Variants in PTTG1IP2 observed in about 807,000 individuals in gnomAD.
PTTG1IP2 encodes PTTG1IP family member 2.
intron 6 of PTTG1IP2, among the ~76,000 whole-genome samples, chr7:90,498,163 C>T (rs1162555324): frequency 6.6e-6 from 1 of 152,050 alleles, no homozygotes; most frequent in Non-Finnish European, 1.5e-5. Flanking sequence ...GTAGCTGGGA[C>T]TACAGGCGCC....
At chr7:90,502,888 G>T (rs1470231455) in intron 6 of PTTG1IP2, among the ~76,000 whole-genome samples, 1 of 152,150 alleles carries the variant, frequency 6.6e-6, no homozygotes, top group Non-Finnish European at 1.5e-5. Flanking sequence ...TTAAAGTCAT[G>T]AGTTCCATTA....
At chr7:90,491,262 A>G (rs1797934818) in intron 4 of PTTG1IP2, among the ~76,000 whole-genome samples, 1 of 152,222 alleles carries the variant, frequency 6.6e-6, no homozygotes, top group African/African-American at 2.4e-5. Context: ...CTATTCTTTT[A>G]GCAAATATTT....
intron 1 of PTTG1IP2, among the ~76,000 whole-genome samples, chr7:90,474,848 A>C (rs1797728828): frequency 6.6e-6 from 1 of 152,204 alleles, no homozygotes; most frequent in Non-Finnish European, 1.5e-5. Context: ...TTATTAAAAC[A>C]CATTTAAGAG....
intron 1 of PTTG1IP2, among the ~76,000 whole-genome samples, chr7:90,478,556 C>G (rs767115935): frequency 6.6e-6 from 1 of 152,166 alleles, no homozygotes; most frequent in Non-Finnish European, 1.5e-5. Context: ...TCCCACAGAG[C>G]CTGTGAACTC....
At chr7:90,482,515 C>CA (rs1237843118) in intron 2 of PTTG1IP2, among the ~76,000 whole-genome samples, 1 of 149,006 alleles carries the variant, frequency 6.7e-6, no homozygotes, top group Admixed American at 6.8e-5. Context: ...ACCCCCCCCC[C>CA]ACACAACTCA....
intron 6 of PTTG1IP2, among the ~76,000 whole-genome samples, chr7:90,508,259 G>A (rs1371775894): frequency 3.2e-5 from 4 of 125,492 alleles, no homozygotes; most frequent in Non-Finnish European, 3.4e-5. Context: ...GTGAGAACTC[G>A]TCTCAAAAAA....
At chr7:90,478,856 G>A (rs1484170833) in intron 1 of PTTG1IP2, among the ~76,000 whole-genome samples, 1 of 151,164 alleles carries the variant, frequency 6.6e-6, no homozygotes, top group African/African-American at 2.4e-5. Flanking sequence ...CTATTTAAAG[G>A]GTTAATTAGT....
intron 6 of PTTG1IP2, among the ~76,000 whole-genome samples, chr7:90,502,888 G>A (rs1470231455): frequency 6.6e-6 from 1 of 152,150 alleles, no homozygotes; most frequent in Non-Finnish European, 1.5e-5. Context: ...TTAAAGTCAT[G>A]AGTTCCATTA....
chr7:90,481,976 A>G (rs1797819843), intron 2 of PTTG1IP2, among the ~76,000 whole-genome samples: 1 of 152,222 alleles, frequency 6.6e-6, no homozygotes, highest in East Asian at 1.9e-4. Context: ...TATAATGGAA[A>G]TACTGGGAAT....
At chr7:90,478,093 T>C (rs1584691516) in intron 1 of PTTG1IP2, among the ~76,000 whole-genome samples, 1 of 96,126 alleles carries the variant, frequency 1.0e-5, no homozygotes, top group African/African-American at 4.4e-5. Flanking sequence ...TGAGACTCCG[T>C]CTCAAAAAAA....
At chr7:90,472,318 A>ACC (rs1797701291) in intron 1 of PTTG1IP2, among the ~76,000 whole-genome samples, 1 of 101,490 alleles carries the variant, frequency 9.9e-6, no homozygotes, top group Non-Finnish European at 2.1e-5. Flanking sequence ...ACACACACAC[A>ACC]CACCCCAAAT....
intron 6 of PTTG1IP2, among the ~76,000 whole-genome samples, chr7:90,507,866 C>T (rs1403010684): frequency 7.2e-5 from 11 of 152,000 alleles, no homozygotes; most frequent in South Asian, 2.1e-4. Context: ...ATTCTAGAGG[C>T]GCTGTGAGAT....
At chr7:90,498,622 GC>G (rs1197822359) in intron 6 of PTTG1IP2, among the ~76,000 whole-genome samples, 2 of 152,146 alleles carry the variant, frequency 1.3e-5, no homozygotes, top group African/African-American at 4.8e-5. Context: ...TATTGTGAAA[GC>G]CTTTTTTACA....
intron 1 of PTTG1IP2, among the ~76,000 whole-genome samples, chr7:90,476,920 T>C (rs1797754477): frequency 6.6e-6 from 1 of 152,120 alleles, no homozygotes; most frequent in South Asian, 2.1e-4. Flanking sequence ...ATTAATTTAT[T>C]GCAATGCCAA....
At chr7:90,481,607 A>G (rs948682978) in intron 2 of PTTG1IP2, among the ~76,000 whole-genome samples, 3 of 152,130 alleles carry the variant, frequency 2.0e-5, no homozygotes, top group Admixed American at 6.5e-5. Context: ...AACTGATAAC[A>G]TTGCTGTCAT....
intron 6 of PTTG1IP2, among the ~76,000 whole-genome samples, chr7:90,509,374 T>C (rs953243890): frequency 9.9e-5 from 15 of 152,236 alleles, no homozygotes; most frequent in Non-Finnish European, 2.1e-4. Flanking sequence ...TGGCAAGTCC[T>C]GGTGATCATT....
Position 90,487,338 on chromosome 7 carries a change from T to C in PTTG1IP2, c.204T>C (p.Cys68=), listed in dbSNP as rs1432305858. The C allele has an allele frequency of 2.0e-5, 3 of 152,646 alleles. No homozygotes were observed. The highest frequency in any genetic ancestry group is 4.4e-5 in the Non-Finnish European group (3 of 68,038). 9.5% of individuals were successfully genotyped at this position (152,646 alleles called of 1,614,324 possible). A position where few individuals can be genotyped will look rare whatever the true frequency, so the allele number is the denominator to read the frequency against. The change falls in exon 3 of 7, where the codon TGT becomes TGC. Residue 68 remains cysteine, a synonymous_variant. Coordinates refer to ENST00000509356, the MANE Select transcript of PTTG1IP2 (RefSeq NM_001365443.2). The part of the protein sequence containing the change: ...LCTEDKKCVW[C]SEEKACKKYC... ...CTTTCCAAATATAGTGTGTTTGGTG[T>C]AGTGAAGAAAAAGCATGCAAAAAAT...
intron 6 of PTTG1IP2, among the ~76,000 whole-genome samples, chr7:90,497,741 AAAAGAAG>A (rs1254861139): frequency 2.8e-5 from 4 of 142,206 alleles, no homozygotes; most frequent in African/African-American, 1.1e-4. Flanking sequence ...AAAAAAAAAA[AAAAGAAG>A]AAGAAGAAGA....
At chr7:90,487,831 T>G (rs1797893736) in intron 3 of PTTG1IP2, among the ~76,000 whole-genome samples, 1 of 152,192 alleles carries the variant, frequency 6.6e-6, no homozygotes, top group African/African-American at 2.4e-5. Context: ...TAAAGAATGT[T>G]TGTATTCTTA....
Sources: gnomAD v4.1 joint callset for allele counts (sites outside exome capture counted in the v4.1 genomes callset) on GRCh38, gnomAD v4.1.1 for gene constraint, MANE v1.5 for transcripts, NCBI Gene and HGNC (gene_info 2026-07-23, HGNC 2026-07-21) for gene names.